CDH18: variants seen among roughly 807,000 people sequenced by gnomAD.
CDH18 encodes cadherin 18, also known as cadherin-18.
Under a neutral mutation model 67.9 loss-of-function variants are expected in CDH18, and 31 were observed. That is an observed-to-expected ratio of 0.46 (90% CI 0.34 to 0.62). CDH18 has a LOEUF of 0.62. Ranked by LOEUF, CDH18 falls within the 20% of genes least tolerant of loss-of-function variation. CDH18 has a pLI of 0.01. For synonymous variants in CDH18, 362 were observed against 347.2 expected, an observed-to-expected ratio of 1.04 and a Z score of -0.48; for missense variants, 890 against 975.5, an observed-to-expected ratio of 0.91 and a Z score of 1.17.
chr5:19,956,410 G>A (rs950913233), intron 2 of CDH18, among the ~76,000 whole-genome samples: 4 of 151,942 alleles, frequency 2.6e-5, no homozygotes, highest in African/African-American at 7.2e-5. Context: ...GGCTAAAAGA[G>A]TAGGTCAACA....
chr5:20,184,942 T>A (rs764484539), intron 2 of CDH18, among the ~76,000 whole-genome samples: 1 of 152,072 alleles, frequency 6.6e-6, no homozygotes, highest in Non-Finnish European at 1.5e-5. Flanking sequence ...AGCAAAGAAG[T>A]AGACTTCAGA....
At chr5:19,623,133 A>T (rs766206967) in intron 5 of CDH18, among the ~76,000 whole-genome samples, 4 of 152,200 alleles carry the variant, frequency 2.6e-5, no homozygotes, top group Admixed American at 1.3e-4. Flanking sequence ...ATAACTCACA[A>T]ATGGAATATT....
intron 2 of CDH18, among the ~76,000 whole-genome samples, chr5:19,970,759 T>A (rs1797943509): frequency 1.3e-5 from 2 of 151,104 alleles, no homozygotes. Flanking sequence ...AAAATAATAT[T>A]TAATCTTTGA....
intron 5 of CDH18, among the ~76,000 whole-genome samples, chr5:19,643,199 T>G (rs1444132550): frequency 6.6e-6 from 1 of 151,866 alleles, no homozygotes. Flanking sequence ...ATTGGCGAGG[T>G]GATGGAGAAA....
intron 5 of CDH18, among the ~76,000 whole-genome samples, chr5:19,675,506 G>T (rs1293771094): frequency 1.3e-5 from 2 of 152,052 alleles, no homozygotes; most frequent in Non-Finnish European, 2.9e-5. Context: ...CTGAGAAAAA[G>T]AATTCAGCAA....
chr5:20,174,557 C>T (rs1387319844), intron 2 of CDH18, among the ~76,000 whole-genome samples: 1 of 152,106 alleles, frequency 6.6e-6, no homozygotes, highest in African/African-American at 2.4e-5. Flanking sequence ...TTTTTGGGGA[C>T]AACAAATGTT....
chr5:19,545,718 G>A (rs1256788711), intron 8 of CDH18, among the ~76,000 whole-genome samples: 1 of 152,120 alleles, frequency 6.6e-6, no homozygotes, highest in Admixed American at 6.6e-5. Context: ...GATAAAAAGA[G>A]CTGGGGAAAG....
At chr5:19,538,863 A>C (rs988881013) in intron 9 of CDH18, among the ~76,000 whole-genome samples, 4 of 152,204 alleles carry the variant, frequency 2.6e-5, no homozygotes, top group Admixed American at 2.6e-4. Flanking sequence ...ACTTACAAAC[A>C]TTCACTACTA....
chr5:19,612,645 A>G (rs1749179007), intron 5 of CDH18, 44 bp from the exon 6 acceptor site: 1 of 1,404,106 alleles, frequency 7.1e-7, no homozygotes, highest in Admixed American at 1.8e-5. Context: ...CTATATAATA[A>G]GCAAGTATCA....
intron 3 of CDH18, among the ~76,000 whole-genome samples, chr5:19,787,587 A>T (rs2149802519): frequency 6.6e-6 from 1 of 152,254 alleles, no homozygotes; most frequent in East Asian, 1.9e-4. Context: ...AGACTAAGCT[A>T]TTGTGACCCA....
chr5:20,539,187 G>T (rs948864987), intron 1 of CDH18, among the ~76,000 whole-genome samples: 1 of 151,964 alleles, frequency 6.6e-6, no homozygotes, highest in Non-Finnish European at 1.5e-5. Context: ...CACCGCACTG[G>T]GTGGCAACTT....
At chr5:20,358,788 G>A (rs10037745) in intron 1 of CDH18, among the ~76,000 whole-genome samples, 34,999 of 151,718 alleles carry the variant, frequency 0.23, 4,457 homozygotes, top group East Asian at 0.38. Context: ...TTTAAGTAAA[G>A]CAAAACAAAA....
chr5:20,518,481 C>T (rs1156319515), intron 1 of CDH18, among the ~76,000 whole-genome samples: 1 of 152,070 alleles, frequency 6.6e-6, no homozygotes, highest in African/African-American at 2.4e-5. Context: ...TCTAGGTCCT[C>T]AATGACCTTA....
chr5:20,027,568 TAAAC>T (rs929578853), intron 2 of CDH18, among the ~76,000 whole-genome samples: 40 of 152,300 alleles, frequency 2.6e-4, no homozygotes, highest in African/African-American at 9.4e-4. Context: ...CTTATAAGCA[TAAAC>T]ACCATAGTGT....
chr5:20,540,640 T>TGGA (rs1191519918), intron 1 of CDH18, among the ~76,000 whole-genome samples: 45 of 152,292 alleles, frequency 3.0e-4, no homozygotes, highest in Non-Finnish European at 5.0e-4. Flanking sequence ...ATCTGACATA[T>TGGA]TGGTAGCACA....
intron 1 of CDH18, among the ~76,000 whole-genome samples, chr5:20,480,988 T>C (rs1280934217): frequency 3.3e-5 from 5 of 152,016 alleles, no homozygotes; most frequent in African/African-American, 1.2e-4. Context: ...GGTGAAGCCT[T>C]CACTTAATAA....
intron 2 of CDH18, among the ~76,000 whole-genome samples, chr5:20,200,698 A>T (rs1002158968): frequency 1.3e-5 from 2 of 152,002 alleles, no homozygotes; most frequent in East Asian, 1.9e-4. Context: ...GAAAAATTTT[A>T]AAAATAGCTA....
intron 7 of CDH18, among the ~76,000 whole-genome samples, chr5:19,584,960 A>T (rs1274005354): frequency 6.6e-6 from 1 of 150,904 alleles, no homozygotes; most frequent in Non-Finnish European, 1.5e-5. Flanking sequence ...GCACCACTGC[A>T]CTCCAGCCTG....
chr5:19,880,835 C>T (rs1392405963), intron 2 of CDH18, among the ~76,000 whole-genome samples: 1 of 152,076 alleles, frequency 6.6e-6, no homozygotes, highest in Non-Finnish European at 1.5e-5. Context: ...AGAAACTTTC[C>T]AAATAAAGAT....
Sources: allele counts gnomAD v4.1 joint callset (sites outside exome capture counted in the v4.1 genomes callset), GRCh38; gene constraint gnomAD v4.1.1; transcripts MANE v1.5; gene names NCBI Gene and HGNC (gene_info 2026-07-23, HGNC 2026-07-21).